ASTN2: variants seen among roughly 807,000 people sequenced by gnomAD.
ASTN2 encodes the protein astrotactin 2.
In ASTN2, 54 loss-of-function variants were observed where a neutral mutation model predicts 139.8. That is an observed-to-expected ratio of 0.39 (90% confidence interval 0.31 to 0.48). The LOEUF is 0.48. Among genes scored for constraint, ASTN2 ranks in the 20% least tolerant of loss-of-function variants. The pLI, the probability that ASTN2 is intolerant of heterozygous loss-of-function variation, is 0.95. For missense variants in ASTN2, 1,565 were observed against 1,725.1 expected, an observed-to-expected ratio of 0.91 and a Z score of 1.64; for synonymous variants, 756 against 719.5, an observed-to-expected ratio of 1.05 and a Z score of -0.81.
chr9:116,589,316 G>T (rs548938092), intron 19 of ASTN2, among the ~76,000 whole-genome samples: 10 of 152,320 alleles, frequency 6.6e-5, no homozygotes, highest in African/African-American at 2.4e-4. Context: ...TGATCATGTA[G>T]ACAACTTCAA....
At chr9:117,403,249 C>T (rs1830888540) in intron 1 of ASTN2, among the ~76,000 whole-genome samples, 1 of 152,164 alleles carries the variant, frequency 6.6e-6, no homozygotes, top group Non-Finnish European at 1.5e-5. Context: ...AACTCTTCCA[C>T]CTACAAATCC....
intron 1 of ASTN2, among the ~76,000 whole-genome samples, chr9:117,408,357 T>C (rs1564189319): frequency 6.6e-6 from 1 of 152,100 alleles, no homozygotes; most frequent in East Asian, 1.9e-4. Flanking sequence ...AGTGTTACCA[T>C]ATAAAATAGA....
intron 17 of ASTN2, among the ~76,000 whole-genome samples, chr9:116,645,666 C>A (rs941928644): frequency 6.6e-6 from 1 of 152,168 alleles, no homozygotes; most frequent in African/African-American, 2.4e-5. Context: ...GTAGGGAGTT[C>A]TCATACAGAG....
At chr9:117,183,946 T>C (rs1831135625) in intron 3 of ASTN2, among the ~76,000 whole-genome samples, 1 of 152,158 alleles carries the variant, frequency 6.6e-6, no homozygotes, top group Admixed American at 6.6e-5. Flanking sequence ...GTCCAGAAAT[T>C]GCTTTCTCCT....
intron 6 of ASTN2, among the ~76,000 whole-genome samples, chr9:117,030,627 T>C (rs931378984): frequency 3.3e-5 from 5 of 152,172 alleles, no homozygotes; most frequent in African/African-American, 9.6e-5. Context: ...ATGGTTTTTC[T>C]GGGTTTGTTC....
chr9:116,458,919 C>T (rs1211201696), intron 20 of ASTN2, among the ~76,000 whole-genome samples: 1 of 151,796 alleles, frequency 6.6e-6, no homozygotes, highest in East Asian at 1.9e-4. Context: ...CTAAAATTCA[C>T]ATGGAAATGA....
intron 13 of ASTN2, among the ~76,000 whole-genome samples, chr9:116,742,042 G>T (rs1588256270): frequency 6.6e-6 from 1 of 152,350 alleles, no homozygotes; most frequent in East Asian, 1.9e-4. Context: ...GTTACTCACA[G>T]GCTGATAGGA....
chr9:116,736,837 C>A (rs1044003768), intron 13 of ASTN2, among the ~76,000 whole-genome samples: 1 of 152,150 alleles, frequency 6.6e-6, no homozygotes, highest in Admixed American at 6.5e-5. Context: ...GGTAATGCCA[C>A]CTTCTCTATC....
intron 1 of ASTN2, among the ~76,000 whole-genome samples, chr9:117,333,783 C>A (rs957665052): frequency 6.6e-6 from 1 of 152,092 alleles, no homozygotes; most frequent in Non-Finnish European, 1.5e-5. Context: ...GGATTACAGG[C>A]GTGATCCACT....
intron 1 of ASTN2, among the ~76,000 whole-genome samples, chr9:117,386,362 G>A (rs1011714570): frequency 6.6e-6 from 1 of 152,170 alleles, no homozygotes; most frequent in African/African-American, 2.4e-5. Context: ...GTTAAATGGA[G>A]TGGAAGACAT....
At chr9:116,519,427 C>T (rs1017595017) in intron 19 of ASTN2, among the ~76,000 whole-genome samples, 1 of 151,684 alleles carries the variant, frequency 6.6e-6, no homozygotes, top group African/African-American at 2.4e-5. Flanking sequence ...ACAATGAAAT[C>T]AAGATGGAAA....
chr9:116,931,154 A>T (rs1834884722), intron 10 of ASTN2, among the ~76,000 whole-genome samples: 1 of 152,194 alleles, frequency 6.6e-6, no homozygotes, highest in Non-Finnish European at 1.5e-5. Context: ...ACCTGCTGTG[A>T]CGTACCTGGC....
intron 10 of ASTN2, among the ~76,000 whole-genome samples, chr9:116,959,495 A>G (rs1422871668): frequency 6.6e-6 from 1 of 152,108 alleles, no homozygotes; most frequent in African/African-American, 2.4e-5. Context: ...GTTTAGATGA[A>G]TCCACTCCAG....
intron 10 of ASTN2, among the ~76,000 whole-genome samples, chr9:116,897,162 C>T (rs1291204038): frequency 6.6e-6 from 1 of 152,184 alleles, no homozygotes; most frequent in Non-Finnish European, 1.5e-5. Context: ...AGGTGCAGCG[C>T]ACTGAAGGTG....
intron 5 of ASTN2, among the ~76,000 whole-genome samples, chr9:117,062,586 A>G (rs34979420): frequency 7.0e-4 from 106 of 152,238 alleles, no homozygotes; most frequent in Non-Finnish European, 1.3e-3. Flanking sequence ...TTTTTTAAAA[A>G]CCACAGTGAT....
At position 117,328,334 on chromosome 9, in the gene ASTN2, T is replaced by TA. The variant is rs1828588714; in HGVS notation, c.443-36822dup. Among the ~76,000 whole-genome samples, 3 of 152,160 alleles carry TA rather than the reference T, an allele frequency of 2.0e-5. No homozygotes were observed. In the South Asian group the frequency reaches 6.2e-4, roughly 32 times the overall value. On this transcript the variant is annotated intron_variant, in intron 1 of 22. Transcript: ENST00000313400. ...ATAGAATGTGCAGAATCTCTCAGCC[T>TA]AGGAGGATAGAATACCAAGAAGAGA...
At chr9:116,793,388 C>T (rs1461455990) in intron 13 of ASTN2, among the ~76,000 whole-genome samples, 2 of 152,156 alleles carry the variant, frequency 1.3e-5, no homozygotes, top group Non-Finnish European at 2.9e-5. Flanking sequence ...AGACAGAAAT[C>T]CCTGCCCTCA....
rs944757557 is a variant in ASTN2 at position 117,107,903 on chromosome 9, T to A, written c.1169-11752A>T. 1.1e-4 allele frequency among the ~76,000 whole-genome samples: 16 copies of A among 152,224 alleles called. 1 individual carries two copies. Among genetic ancestry groups the A allele is most frequent in the African/African-American group, 3.6e-4 (15 of 41,466 alleles). ...TTCTAGTCTCTCAAGATGTACTTTT[T>A]TGGTCCTAATCTTCTGATCTCATAG... On this transcript the variant is annotated intron_variant, in intron 4 of 22. Transcript: ENST00000313400.
intron 10 of ASTN2, among the ~76,000 whole-genome samples, chr9:116,872,122 C>T (rs775557592): frequency 6.6e-6 from 1 of 152,148 alleles, no homozygotes; most frequent in Non-Finnish European, 1.5e-5. Context: ...TGCTACCATG[C>T]CAGACTAATT....
Sources: allele counts gnomAD v4.1 joint callset (sites outside exome capture counted in the v4.1 genomes callset), GRCh38; gene constraint gnomAD v4.1.1; transcripts MANE v1.5; gene names NCBI Gene and HGNC (gene_info 2026-07-23, HGNC 2026-07-21).